The following SRRM1 variants were observed in gnomAD, a reference collection of about 807,000 sequenced individuals.
SRRM1 encodes the protein serine and arginine repetitive matrix 1.
SRRM1 carries 19 observed loss-of-function variants against 110.2 expected under a neutral mutation model. That is an observed-to-expected ratio of 0.17 (90% confidence interval 0.12 to 0.25). SRRM1 has a LOEUF of 0.25. SRRM1 is among the 10% of genes least tolerant of loss of function. The pLI, the probability that SRRM1 is intolerant of heterozygous loss-of-function variation, is 1.00. For missense variants in SRRM1, 918 were observed against 1,145.8 expected, an observed-to-expected ratio of 0.80 and a Z score of 2.87; for synonymous variants, 443 against 414.9, an observed-to-expected ratio of 1.07 and a Z score of -0.82.
At chr1:24,648,379 T>C (rs1312332704) in intron 3 of SRRM1, 1 of 152,666 alleles carries the variant, frequency 6.6e-6, no homozygotes, top group African/African-American at 2.4e-5. Context: ...ACTGCATGCA[T>C]AACTTGTTAG....
chr1:24,643,458 A>G, intron 1 of SRRM1, 111 bp downstream of exon 1: 1 of 888,856 alleles, frequency 1.1e-6, no homozygotes, highest in Non-Finnish European at 1.6e-6. Context: ...CGGAGATCTT[A>G]AGGATTCCTC....
chr1:24,669,023 C>A, intron 13 of SRRM1, 100 bp from the exon 14 acceptor site: 2 of 863,738 alleles, frequency 2.3e-6, no homozygotes, highest in Non-Finnish European at 3.6e-6. Flanking sequence ...ATTCCCTTTG[C>A]CTAGTGCTAA....
At chr1:24,662,188 C>T (rs541951555) in intron 11 of SRRM1, among the ~76,000 whole-genome samples, 3 of 152,306 alleles carry the variant, frequency 2.0e-5, no homozygotes, top group Admixed American at 1.3e-4. Context: ...GTGGCTTAAC[C>T]TGTAACCCCA....
chr1:24,645,412 G>A (rs1050747869), intron 1 of SRRM1, among the ~76,000 whole-genome samples: 1 of 152,176 alleles, frequency 6.6e-6, no homozygotes, highest in African/African-American at 2.4e-5. Context: ...ATGATCTAAG[G>A]TAGTATTTGT....
intron 9 of SRRM1, among the ~76,000 whole-genome samples, chr1:24,655,919 G>A (rs112196640): frequency 7.8e-4 from 119 of 152,238 alleles, no homozygotes; most frequent in African/African-American, 2.6e-3. Context: ...GTTAACACAC[G>A]CTGGGGTTAT....
chr1:24,647,426 G>C (rs12074661), intron 3 of SRRM1: 1 of 152,408 alleles, frequency 6.6e-6, no homozygotes, highest in East Asian at 1.9e-4. Context: ...TTACATTTTA[G>C]AGACAGGATT....
intron 14 of SRRM1, 43 bp downstream of exon 14, chr1:24,669,630 C>A: frequency 1.4e-6 from 2 of 1,417,424 alleles, no homozygotes; most frequent in South Asian, 1.4e-5. Flanking sequence ...ACTTACATAG[C>A]TGTTTATATT....
In SRRM1 at chr1:24,671,582, C is replaced by G; in HGVS notation, c.2597C>G (p.Pro866Arg). 6.3e-7 allele frequency: 1 copy of G among 1,591,668 alleles called. No homozygotes were observed. Among genetic ancestry groups the G allele is most frequent in the East Asian group, 2.2e-5 (1 of 44,750 alleles). ...GCACAGGAAGAGCCAGTGGCAGCGC[C>G]AGAGCCGAAGAAGGTATTTATGAAC... ...TLAQEEPVAA[P>R]EPKKETESEA... The change falls in exon 16 of 17, where the codon CCA becomes CGA. Residue 866 changes from proline to arginine, a missense_variant. Physicochemically the swap from Pro to Arg is moderately radical, Grantham distance 103. Transcript: ENST00000323848.
intron 9 of SRRM1, among the ~76,000 whole-genome samples, chr1:24,659,701 G>A (rs1666147184): frequency 6.6e-6 from 1 of 152,110 alleles, no homozygotes; most frequent in Non-Finnish European, 1.5e-5. Context: ...TAAGCCTCAG[G>A]TTTCCTCTCT....
At chr1:24,663,265 A>G (rs1280376770) in intron 12 of SRRM1, 2 of 1,448,124 alleles carry the variant, frequency 1.4e-6, no homozygotes, top group Non-Finnish European at 1.9e-6. Flanking sequence ...TTACATGTCA[A>G]AAATTGTAGT....
At chr1:24,662,435 A>C (rs1344354780) in intron 11 of SRRM1, among the ~76,000 whole-genome samples, 1 of 152,220 alleles carries the variant, frequency 6.6e-6, no homozygotes, top group Non-Finnish European at 1.5e-5. Context: ...AGAGTATGCC[A>C]TCTTGATTGG....
At chr1:24,658,177 GTATA>G (rs1348948560) in intron 9 of SRRM1, among the ~76,000 whole-genome samples, 2 of 151,318 alleles carry the variant, frequency 1.3e-5, no homozygotes, top group African/African-American at 4.9e-5. Context: ...CAGAGTAGGA[GTATA>G]TAAATGATAG....
At chr1:24,652,029 A>AATATATATGTATATATAT (rs1661027992) in intron 6 of SRRM1, among the ~76,000 whole-genome samples, 1 of 79,846 alleles carries the variant, frequency 1.3e-5, no homozygotes, top group Non-Finnish European at 2.6e-5. Flanking sequence ...CTGTACTAAA[A>AATATATATGTATATATAT]ATATATATAT....
intron 16 of SRRM1, 27 bp downstream of exon 16, chr1:24,671,622 T>A (rs1672766227): frequency 3.9e-6 from 6 of 1,545,334 alleles, no homozygotes; most frequent in Non-Finnish European, 4.4e-6. Flanking sequence ...TATATGGCTG[T>A]CTTGCAGTTT....
chr1:24,643,326 G>A lies in SRRM1; in HGVS notation c.-1G>A, dbSNP rs1012506072. The A allele has an allele frequency of 6.4e-7, 1 of 1,557,292 alleles. No homozygotes were observed. The highest frequency in any genetic ancestry group is 1.4e-5 in the African/African-American group (1 of 70,118). On this transcript the variant is annotated 5_prime_UTR_variant, in exon 1 of 17. Transcript: ENST00000323848. ...GAGCGATCTCCGAGCGAGGCGGCAA[G>A]ATGGACGCGGGATTTTTCCGCGTAA...
intron 14 of SRRM1, chr1:24,669,792 A>G: frequency 3.4e-6 from 2 of 587,820 alleles, no homozygotes; most frequent in Non-Finnish European, 5.9e-6. Flanking sequence ...CTTGGTTCTT[A>G]GCAGTTATTA....
intron 8 of SRRM1, chr1:24,654,306 G>T: frequency 1.6e-6 from 2 of 1,289,482 alleles, no homozygotes; most frequent in Non-Finnish European, 1.0e-6. Flanking sequence ...TTTTTTTCAG[G>T]TTCTCAGGAA....
In SRRM1 at chr1:24,652,029, AATATATATATATATAT is replaced by A. The variant is rs1215778545; in HGVS notation, c.726-386_726-371del. ...ATGGTGAAACTCCATCTGTACTAAAAATATATATATATATATATATATATATATATATATGTACACA... is the reference window on the plus strand; with the variant it reads ...ATGGTGAAACTCCATCTGTACTAAAAATATATATATATATATATGTACACA... On this transcript the variant is annotated intron_variant, in intron 6 of 16. Transcript: ENST00000323848. Among the ~76,000 whole-genome samples, 247 of 79,868 alleles carry A rather than the reference AATATATATATATATAT, an allele frequency of 3.1e-3. 5 individuals are homozygous for A. The highest frequency in any genetic ancestry group is 0.012 in the Admixed American group (85 of 6,960). 52.4% of individuals were successfully genotyped at this position (79,868 alleles called of 152,430 possible).
At chr1:24,652,046 A>ATATATTT (rs1553167381) in intron 6 of SRRM1, among the ~76,000 whole-genome samples, 1 of 131,536 alleles carries the variant, frequency 7.6e-6, no homozygotes, top group Non-Finnish European at 1.6e-5. Flanking sequence ...ATATATATAT[A>ATATATTT]TATATATATA....
Sources: allele counts gnomAD v4.1 joint callset (sites outside exome capture counted in the v4.1 genomes callset), GRCh38; gene constraint gnomAD v4.1.1; transcripts MANE v1.5; gene names NCBI Gene and HGNC (gene_info 2026-07-23, HGNC 2026-07-21).